The following EYS variants were observed in gnomAD, a reference collection of about 807,000 sequenced individuals.
EYS encodes EGF-like photoreceptor maintenance factor.
Under a neutral mutation model 282.1 loss-of-function variants are expected in EYS, and 250 were observed. The observed-to-expected ratio is 0.89, with a 90% confidence interval of 0.80 to 0.98. The LOEUF is 0.98. Among genes scored for constraint, EYS ranks in the 50% least tolerant of loss-of-function variants. The probability of loss-of-function intolerance (pLI) is 0.00; values close to 1 mark genes in which losing one functional copy is unlikely to be tolerated. For missense variants in EYS, 4,016 were observed against 3,709.0 expected (o/e 1.08, Z -2.15); for synonymous variants, 1,355 against 1,282.9 (o/e 1.06, Z -1.20).
intron 33 of EYS, among the ~76,000 whole-genome samples, chr6:64,065,349 CAT>C (rs1158333730): frequency 9.2e-5 from 14 of 152,130 alleles, no homozygotes; most frequent in African/African-American, 3.1e-4. Flanking sequence ...TTTTCAATGA[CAT>C]AGAGTAACTT....
intron 34 of EYS, among the ~76,000 whole-genome samples, chr6:63,992,272 GTTGTA>G (rs1767638567): frequency 6.6e-6 from 1 of 151,488 alleles, no homozygotes. Flanking sequence ...TTATTTTATT[GTTGTA>G]TTGTTATTTT....
chr6:64,635,968 T>C (rs1767964216), intron 22 of EYS, among the ~76,000 whole-genome samples: 1 of 152,150 alleles, frequency 6.6e-6, no homozygotes, highest in Admixed American at 6.5e-5. Flanking sequence ...TTTTTTTGGT[T>C]GGTAAGCTAT....
chr6:64,059,570 C>T (rs528684959), intron 33 of EYS, among the ~76,000 whole-genome samples: 218 of 152,242 alleles, frequency 1.4e-3, no homozygotes, highest in African/African-American at 4.1e-3. Flanking sequence ...AATACTTCCA[C>T]GTTTCTCAAG....
At chr6:64,132,530 C>A (rs943766481) in intron 31 of EYS, among the ~76,000 whole-genome samples, 1 of 151,768 alleles carries the variant, frequency 6.6e-6, no homozygotes, top group African/African-American at 2.4e-5. Flanking sequence ...CATAGCATAG[C>A]TTAACATAAT....
chr6:63,953,744 C>T (rs1765695970), intron 35 of EYS, among the ~76,000 whole-genome samples: 2 of 152,108 alleles, frequency 1.3e-5, no homozygotes, highest in African/African-American at 2.4e-5. Flanking sequence ...CCCATACTAG[C>T]TCTCCCTAAC....
chr6:65,008,837 G>T lies in EYS; in HGVS notation c.2138-11134C>A, dbSNP rs574847445. Among the ~76,000 whole-genome samples the T allele has an allele frequency of 8.1e-4, 123 of 152,208 alleles. 1 individual carries two copies. The highest frequency in any genetic ancestry group is 2.9e-3 in the African/African-American group (122 of 41,542). ...GGAGGTTAACTGTCTCCTGGACACC[G>T]GTGCGGCCTTCTCAGTCTTACTCTC... On this transcript the variant is annotated intron_variant, in intron 13 of 42. Coordinates refer to ENST00000503581, the MANE Select transcript of EYS (RefSeq NM_001142800.2).
intron 22 of EYS, among the ~76,000 whole-genome samples, chr6:64,659,682 C>T (rs1433881446): frequency 6.6e-6 from 1 of 152,048 alleles, no homozygotes; most frequent in Non-Finnish European, 1.5e-5. Flanking sequence ...CAAGACTAAA[C>T]CAGGAAGAAG....
chr6:64,663,143 C>T (rs983219532), intron 22 of EYS, among the ~76,000 whole-genome samples: 5 of 152,112 alleles, frequency 3.3e-5, no homozygotes, highest in Admixed American at 6.6e-5. Context: ...AATTAGACTT[C>T]CCAATGTTAC....
chr6:64,346,076 A>G (rs1243103854), intron 29 of EYS, among the ~76,000 whole-genome samples: 1 of 152,014 alleles, frequency 6.6e-6, no homozygotes, highest in Admixed American at 6.6e-5. Context: ...GGATGTGGAG[A>G]AATAGGAACA....
At chr6:63,869,129 CT>C (rs1055263192) in intron 35 of EYS, among the ~76,000 whole-genome samples, 1 of 152,084 alleles carries the variant, frequency 6.6e-6, no homozygotes, top group Non-Finnish European at 1.5e-5. Flanking sequence ...GCTATAGAAA[CT>C]TTTTTCTTTA....
intron 12 of EYS, among the ~76,000 whole-genome samples, chr6:65,183,749 T>G (rs1429219603): frequency 6.6e-6 from 1 of 151,864 alleles, no homozygotes. Context: ...ATGTGTCATA[T>G]AGATGGAGAC....
chr6:63,913,025 C>T (rs1277588148), intron 35 of EYS, among the ~76,000 whole-genome samples: 1 of 152,186 alleles, frequency 6.6e-6, no homozygotes, highest in Non-Finnish European at 1.5e-5. Flanking sequence ...AGATATTTAA[C>T]TCTTTAGGGT....
At chr6:64,472,793 G>C (rs1176850355) in intron 26 of EYS, among the ~76,000 whole-genome samples, 1 of 152,086 alleles carries the variant, frequency 6.6e-6, no homozygotes, top group Non-Finnish European at 1.5e-5. Flanking sequence ...AAAGAAGTTA[G>C]GGGTAGAAGC....
At chr6:65,440,809 C>T (rs12204183) in intron 5 of EYS, among the ~76,000 whole-genome samples, 27,326 of 146,948 alleles carry the variant, frequency 0.19, 3,167 homozygotes, top group Middle Eastern at 0.3. Flanking sequence ...GTTTTAGTAA[C>T]CTGACTTAAT....
intron 5 of EYS, among the ~76,000 whole-genome samples, chr6:65,410,492 T>C (rs185623264): frequency 6.8e-4 from 104 of 152,064 alleles, no homozygotes; most frequent in Middle Eastern, 3.4e-3. Context: ...TACTTCTTCT[T>C]CTTATCTCAT....
intron 22 of EYS, among the ~76,000 whole-genome samples, chr6:64,729,709 C>T (rs1771890338): frequency 6.6e-6 from 1 of 151,708 alleles, no homozygotes; most frequent in Non-Finnish European, 1.5e-5. Flanking sequence ...GTAAAAACCG[C>T]AATAACTTTT....
chr6:64,898,790 G>C (rs1160364184), intron 18 of EYS, among the ~76,000 whole-genome samples: 1 of 149,402 alleles, frequency 6.7e-6, no homozygotes, highest in Admixed American at 6.7e-5. Context: ...AAAAATAAAA[G>C]AAATCAGGTG....
intron 22 of EYS, among the ~76,000 whole-genome samples, chr6:64,719,198 A>G (rs569540407): frequency 2.6e-5 from 4 of 152,250 alleles, no homozygotes; most frequent in African/African-American, 9.6e-5. Flanking sequence ...CTTAACCTCA[A>G]TGAGGTTAGA....
chr6:64,845,464 T>C (rs182160155), intron 19 of EYS, among the ~76,000 whole-genome samples: 131 of 152,214 alleles, frequency 8.6e-4, no homozygotes, highest in African/African-American at 3.0e-3. Context: ...CTATCATTGA[T>C]AGCACATTAG....
Sources: allele counts gnomAD v4.1 joint callset (sites outside exome capture counted in the v4.1 genomes callset), GRCh38; gene constraint gnomAD v4.1.1; transcripts MANE v1.5; gene names NCBI Gene and HGNC (gene_info 2026-07-23, HGNC 2026-07-21).